Variants in SPAG17 observed in about 807,000 individuals in gnomAD.
SPAG17 encodes sperm-associated antigen 17.
In SPAG17, 169 loss-of-function variants were observed where a neutral mutation model predicts 273.6. That is an observed-to-expected ratio of 0.62 (90% CI 0.55 to 0.70). SPAG17 has a LOEUF of 0.70. Ranked by LOEUF, SPAG17 falls within the 30% of genes least tolerant of loss-of-function variation. The pLI is 0.00. For missense variants in SPAG17, 2,557 were observed against 2,627.8 expected (o/e 0.97, Z 0.59); for synonymous variants, 825 against 873.2 (o/e 0.94, Z 0.97).
intron 18 of SPAG17, among the ~76,000 whole-genome samples, chr1:118,058,189 A>G (rs1651901727): frequency 6.6e-6 from 1 of 152,158 alleles, no homozygotes; most frequent in Admixed American, 6.5e-5. Context: ...TATCAGAGTA[A>G]CTAAAAAAAT....
chr1:118,151,016 A>G (rs1290612682), intron 2 of SPAG17, among the ~76,000 whole-genome samples: 3 of 152,254 alleles, frequency 2.0e-5, no homozygotes, highest in African/African-American at 4.8e-5. Context: ...ATCTTTGTCA[A>G]ATAAATGAAT....
At chr1:118,092,881 TA>T (rs1655473748) in intron 8 of SPAG17, among the ~76,000 whole-genome samples, 1 of 152,208 alleles carries the variant, frequency 6.6e-6, no homozygotes, top group Admixed American at 6.5e-5. Context: ...AGGTGCTAAA[TA>T]AATACTGCAA....
Position 118,028,348 on chromosome 1 carries a change from A to T in SPAG17, c.3656T>A (p.Val1219Asp). The change falls in exon 26 of 49, where the codon GTT (valine) becomes GAT (aspartate). Residue 1219 changes from valine to aspartate, a missense_variant. Val to Asp is a radical substitution (Grantham distance 152). Transcript: ENST00000336338. ...CACATTTAGGCTCTGGAAGGTGGGA[A>T]CATCCAAAGTCTCTTGTAAAACAGG... ...PEPVLQETLD[V>D]PTFQSLNVSC... The T allele has an allele frequency of 6.2e-7, 1 of 1,613,864 alleles. No homozygotes were observed. Among genetic ancestry groups the T allele is most frequent in the Non-Finnish European group, 8.5e-7 (1 of 1,179,772 alleles).
At chr1:118,054,425 C>A (rs936872026) in intron 19 of SPAG17, among the ~76,000 whole-genome samples, 1 of 152,098 alleles carries the variant, frequency 6.6e-6, no homozygotes, top group Non-Finnish European at 1.5e-5. Context: ...CAGAACAAAT[C>A]TAACATTTCC....
intron 32 of SPAG17, among the ~76,000 whole-genome samples, chr1:118,002,507 C>T (rs1470768070): frequency 6.6e-6 from 1 of 152,126 alleles, no homozygotes. Flanking sequence ...CTGGGTGCTC[C>T]TGTATTGGGT....
At chr1:118,024,556 C>A (rs182662805) in intron 27 of SPAG17, among the ~76,000 whole-genome samples, 24 of 151,802 alleles carry the variant, frequency 1.6e-4, no homozygotes, top group African/African-American at 4.3e-4. Context: ...AGTGCATGGT[C>A]ATCTTTCTCA....
At chr1:118,033,562 A>T (rs780002358) in intron 24 of SPAG17, among the ~76,000 whole-genome samples, 1 of 152,096 alleles carries the variant, frequency 6.6e-6, no homozygotes, top group Non-Finnish European at 1.5e-5. Context: ...CAATACCACC[A>T]CTTCAGTGTA....
chr1:118,111,161 G>C (rs1656732967), intron 4 of SPAG17, among the ~76,000 whole-genome samples: 1 of 152,106 alleles, frequency 6.6e-6, no homozygotes, highest in Admixed American at 6.6e-5. Context: ...GTATGTTAAA[G>C]ATGTATGTTT....
At chr1:118,151,896 A>G (rs1171720298) in intron 1 of SPAG17, among the ~76,000 whole-genome samples, 1 of 152,154 alleles carries the variant, frequency 6.6e-6, no homozygotes, top group Non-Finnish European at 1.5e-5. Context: ...TGCTAATTAC[A>G]CTCCCAAGAA....
intron 1 of SPAG17, among the ~76,000 whole-genome samples, chr1:118,170,717 G>A (rs1161443087): frequency 6.6e-6 from 1 of 152,162 alleles, no homozygotes; most frequent in African/African-American, 2.4e-5. Context: ...CCTGTTACAT[G>A]GCTGACAATC....
chr1:117,957,487 G>T (rs1652385655), intron 48 of SPAG17, among the ~76,000 whole-genome samples: 1 of 152,146 alleles, frequency 6.6e-6, no homozygotes, highest in African/African-American at 2.4e-5. Context: ...TCAGTCATAG[G>T]CCTCCATGTT....
chr1:118,111,851 A>T (rs1656781221), intron 4 of SPAG17, among the ~76,000 whole-genome samples: 1 of 152,124 alleles, frequency 6.6e-6, no homozygotes, highest in African/African-American at 2.4e-5. Context: ...ATAGTATATC[A>T]GGAAATAGGG....
chr1:118,182,521 C>A (rs1316486700), intron 1 of SPAG17, among the ~76,000 whole-genome samples: 2 of 152,006 alleles, frequency 1.3e-5, no homozygotes, highest in African/African-American at 4.8e-5. Flanking sequence ...TGCCAATGTA[C>A]CTATTTTCTT....
rs1654378285 is a variant in SPAG17 at position 117,970,058 on chromosome 1, G to T, written c.6385C>A (p.Pro2129Thr). The T allele has an allele frequency of 6.2e-7, 1 of 1,613,470 alleles. No individual in the cohort carries two copies. Among genetic ancestry groups the T allele is most frequent in the African/African-American group, 1.3e-5 (1 of 74,998 alleles). The part of the protein sequence containing the change: ...TGLKVTYKPG[P>T]VAAGMQTELN... ...AACAGATGACATATAGGACTTACAG[G>T]TCCAGGTTTGTAAGTCACTTTCAGT... is the stretch of plus-strand genomic sequence containing the variant. The change falls in exon 46 of 49, where the codon CCT becomes ACT. Residue 2129 changes from proline to threonine, a missense_variant and splice_region_variant. Pro to Thr is a conservative substitution (Grantham distance 38). Coordinates refer to ENST00000336338, the MANE Select transcript of SPAG17 (RefSeq NM_206996.4).
At chr1:118,054,239 G>A in intron 19 of SPAG17, 146 bp from the exon 20 acceptor site, 1 of 597,124 alleles carries the variant, frequency 1.7e-6, no homozygotes, top group Non-Finnish European at 2.9e-6. Context: ...GCCATCTCTA[G>A]AATGAACATC....
chr1:118,036,735 G>A (rs375653890), intron 24 of SPAG17, 35 bp downstream of exon 24: 2 of 1,425,664 alleles, frequency 1.4e-6, no homozygotes, highest in Admixed American at 2.0e-5. Context: ...CTTGGCTGTG[G>A]GGCACACTTA....
intron 1 of SPAG17, among the ~76,000 whole-genome samples, chr1:118,184,380 G>T (rs894976784): frequency 6.6e-6 from 1 of 152,138 alleles, no homozygotes; most frequent in South Asian, 2.1e-4. Flanking sequence ...ATTTACTGAA[G>T]CTGGGTGGGG....
intron 17 of SPAG17, among the ~76,000 whole-genome samples, chr1:118,067,161 C>T (rs931010413): frequency 1.3e-5 from 2 of 152,176 alleles, no homozygotes; most frequent in African/African-American, 2.4e-5. Context: ...AAGTGTTCTT[C>T]ATTAAGGTTG....
At position 117,992,621 on chromosome 1, in the gene SPAG17, T is replaced by A; in HGVS notation, c.5206A>T (p.Thr1736Ser). 6.2e-7 allele frequency: 1 copy of A among 1,605,594 alleles called. No homozygotes were observed. Among genetic ancestry groups the A allele is most frequent in the Non-Finnish European group, 8.5e-7 (1 of 1,177,480 alleles). Reference sequence around the variant, plus strand: ...ATGCAAAGGCCTTTCCAAATCTGAGTACCAAACGGAGGTCCTGGAGTTTTT... The same window carrying A: ...ATGCAAAGGCCTTTCCAAATCTGAGAACCAAACGGAGGTCCTGGAGTTTTT... ...EKKTPGPPFG[T>S]QIWKGLCIES... Residue 1736 changes from threonine to serine, a missense_variant, in exon 36 of 49, where the codon ACT becomes TCT. Thr to Ser is a moderately conservative substitution (Grantham distance 58). Coordinates refer to ENST00000336338, the MANE Select transcript of SPAG17 (RefSeq NM_206996.4).
Sources: gnomAD v4.1 joint callset for allele counts (sites outside exome capture counted in the v4.1 genomes callset) on GRCh38, gnomAD v4.1.1 for gene constraint, MANE v1.5 for transcripts, NCBI Gene and HGNC (gene_info 2026-07-23, HGNC 2026-07-21) for gene names.